The following TMEM132D variants were observed in gnomAD, a reference collection of about 807,000 sequenced individuals.
TMEM132D encodes the protein mature OL transmembrane protein.
Under a neutral mutation model 62.3 loss-of-function variants are expected in TMEM132D, and 21 were observed. The ratio of observed to expected loss-of-function variants is 0.34; its 90% CI spans 0.24 to 0.49. The LOEUF (loss-of-function observed/expected upper bound fraction) is 0.49, where lower values mean the gene tolerates loss of function less well. Among genes scored for constraint, TMEM132D ranks in the 20% least tolerant of loss-of-function variants. The pLI is 0.99. For synonymous variants in TMEM132D, 621 were observed against 575.6 expected (o/e 1.08, Z -1.13); for missense variants, 1,346 against 1,402.8 (o/e 0.96, Z 0.65).
At chr12:129,353,277 T>A (rs1053302539) in intron 3 of TMEM132D, among the ~76,000 whole-genome samples, 9 of 152,162 alleles carry the variant, frequency 5.9e-5, no homozygotes, top group African/African-American at 2.2e-4. Flanking sequence ...TGGAATGCAC[T>A]AAGTCTACTT....
At chr12:129,705,681 T>C (rs547157891) in intron 1 of TMEM132D, among the ~76,000 whole-genome samples, 81 of 152,256 alleles carry the variant, frequency 5.3e-4, no homozygotes, top group African/African-American at 1.8e-3. Context: ...CAAAGTGCAG[T>C]ACTCAAGAAT....
At chr12:129,626,724 G>A (rs2137163833) in intron 2 of TMEM132D, among the ~76,000 whole-genome samples, 1 of 152,264 alleles carries the variant, frequency 6.6e-6, no homozygotes, top group East Asian at 1.9e-4. Flanking sequence ...CATAAGTGCT[G>A]GAATTACATG....
At chr12:129,452,322 CA>C (rs1389071138) in intron 3 of TMEM132D, among the ~76,000 whole-genome samples, 1 of 152,240 alleles carries the variant, frequency 6.6e-6, no homozygotes, top group Admixed American at 6.5e-5. Context: ...GTTTGGCAAA[CA>C]TTTCAAACTT....
At chr12:129,448,413 C>A (rs1191938197) in intron 3 of TMEM132D, among the ~76,000 whole-genome samples, 1 of 152,098 alleles carries the variant, frequency 6.6e-6, no homozygotes, top group Non-Finnish European at 1.5e-5. Context: ...GGTGCTGTTC[C>A]CCTCAGTGTG....
chr12:129,191,836 G>A (rs1878414357), intron 5 of TMEM132D, among the ~76,000 whole-genome samples: 3 of 152,216 alleles, frequency 2.0e-5, no homozygotes, highest in African/African-American at 7.2e-5. Flanking sequence ...AAACTCATGA[G>A]GGGCAGGGAC....
intron 3 of TMEM132D, among the ~76,000 whole-genome samples, chr12:129,403,324 C>T (rs1470139081): frequency 3.4e-4 from 50 of 149,042 alleles, no homozygotes. Flanking sequence ...GCATGTCTCA[C>T]TTAGGAGAAT....
At chr12:129,650,447 A>G (rs1468560623) in intron 2 of TMEM132D, among the ~76,000 whole-genome samples, 1 of 152,206 alleles carries the variant, frequency 6.6e-6, no homozygotes, top group Non-Finnish European at 1.5e-5. Flanking sequence ...TTTTGTGAGC[A>G]AGAGTTTCTT....
intron 3 of TMEM132D, among the ~76,000 whole-genome samples, chr12:129,463,012 A>G (rs553774303): frequency 1.1e-4 from 16 of 152,200 alleles, no homozygotes; most frequent in Non-Finnish European, 1.8e-4. Flanking sequence ...TGACCCTAAC[A>G]TTTGAAAGTC....
intron 3 of TMEM132D, among the ~76,000 whole-genome samples, chr12:129,492,427 T>TA (rs1337216985): frequency 6.6e-6 from 1 of 152,194 alleles, no homozygotes; most frequent in African/African-American, 2.4e-5. Flanking sequence ...AAATATATAG[T>TA]AGAGAACATC....
chr12:129,723,694 G>C (rs552386486), intron 1 of TMEM132D, among the ~76,000 whole-genome samples: 1 of 152,272 alleles, frequency 6.6e-6, no homozygotes, highest in South Asian at 2.1e-4. Context: ...GCTGGTCTCT[G>C]GATACCTCAC....
chr12:129,756,831 G>A (rs536602215), intron 1 of TMEM132D, among the ~76,000 whole-genome samples: 33 of 152,282 alleles, frequency 2.2e-4, no homozygotes, highest in African/African-American at 7.7e-4. Flanking sequence ...TGTCCATGCC[G>A]CTCCAGCATT....
intron 2 of TMEM132D, among the ~76,000 whole-genome samples, chr12:129,576,839 A>G (rs1279126950): frequency 1.3e-5 from 2 of 151,974 alleles, no homozygotes; most frequent in Non-Finnish European, 2.9e-5. Flanking sequence ...TAGGCTAGAG[A>G]AAAGAGAACG....
At chr12:129,556,067 TAGACA>T (rs1877048000) in intron 2 of TMEM132D, among the ~76,000 whole-genome samples, 1 of 152,316 alleles carries the variant, frequency 6.6e-6, no homozygotes, top group South Asian at 2.1e-4. Context: ...GTACATGAAC[TAGACA>T]CCAACGCAAA....
intron 3 of TMEM132D, among the ~76,000 whole-genome samples, chr12:129,411,184 T>G (rs370165846): frequency 3.9e-5 from 6 of 152,216 alleles, no homozygotes; most frequent in Middle Eastern, 3.2e-3. Context: ...GTAAGAGAGA[T>G]AGCTTTACAT....
intron 1 of TMEM132D, among the ~76,000 whole-genome samples, chr12:129,849,720 G>A (rs945605313): frequency 2.0e-5 from 3 of 152,088 alleles, no homozygotes; most frequent in African/African-American, 4.8e-5. Context: ...CAGGCAACGC[G>A]GTAGCCATTG....
At chr12:129,750,615 G>C (rs1474450788) in intron 1 of TMEM132D, among the ~76,000 whole-genome samples, 1 of 152,168 alleles carries the variant, frequency 6.6e-6, no homozygotes, top group Non-Finnish European at 1.5e-5. Context: ...CTGTGTCATG[G>C]TTATGGAATT....
intron 3 of TMEM132D, among the ~76,000 whole-genome samples, chr12:129,515,066 C>A (rs1405890924): frequency 6.6e-6 from 1 of 152,182 alleles, no homozygotes; most frequent in Non-Finnish European, 1.5e-5. Context: ...TCTTGCATCT[C>A]CCCAGAGCCC....
chr12:129,173,919 C>T (rs111517092), intron 5 of TMEM132D, among the ~76,000 whole-genome samples: 15 of 151,778 alleles, frequency 9.9e-5, no homozygotes, highest in African/African-American at 2.4e-4. Context: ...TCAGATGTTC[C>T]GAAGAGAGAC....
chr12:129,133,605 C>T (rs2135526141), intron 5 of TMEM132D, among the ~76,000 whole-genome samples: 1 of 152,256 alleles, frequency 6.6e-6, no homozygotes, highest in East Asian at 1.9e-4. Context: ...TAGATATGGG[C>T]TAGGTCTGAT....
Sources: gnomAD v4.1 joint callset for allele counts (sites outside exome capture counted in the v4.1 genomes callset) on GRCh38, gnomAD v4.1.1 for gene constraint, MANE v1.5 for transcripts, NCBI Gene and HGNC (gene_info 2026-07-23, HGNC 2026-07-21) for gene names.